PDCD6IP: variants seen among roughly 807,000 people sequenced by gnomAD.
PDCD6IP encodes programmed cell death 6 interacting protein.
In PDCD6IP, 43 loss-of-function variants were observed where a neutral mutation model predicts 103.7. That is an observed-to-expected ratio of 0.41 (90% confidence interval 0.32 to 0.53). PDCD6IP has a LOEUF of 0.53. Among genes scored for constraint, PDCD6IP ranks in the 20% least tolerant of loss-of-function variants. PDCD6IP has a pLI of 0.16. For missense variants in PDCD6IP, 871 were observed against 1,036.7 expected, an observed-to-expected ratio of 0.84 and a Z score of 2.20; for synonymous variants, 354 against 378.7, an observed-to-expected ratio of 0.93 and a Z score of 0.76.
chr3:33,815,105 C>A lies in PDCD6IP; in HGVS notation c.334+1477C>A, dbSNP rs1459234298. ...GTGCATACCATATACATACATGTAT[C>A]TATATATCTTATATAAGGTTTATAC... On this transcript the variant is annotated intron_variant, in intron 3 of 17. Transcript: ENST00000307296. Among the ~76,000 whole-genome samples, 12 of 147,986 alleles carry A rather than the reference C, an allele frequency of 8.1e-5. No homozygotes were observed. In the Admixed American group the frequency reaches 8.1e-4, roughly 10 times the overall value.
intron 1 of PDCD6IP, among the ~76,000 whole-genome samples, chr3:33,807,700 A>G (rs1429007280): frequency 6.6e-6 from 1 of 152,220 alleles, no homozygotes; most frequent in Non-Finnish European, 1.5e-5. Context: ...GAATGTCTCC[A>G]GGATGGCACC....
intron 6 of PDCD6IP, chr3:33,826,876 G>C: frequency 8.7e-7 from 1 of 1,153,154 alleles, no homozygotes; most frequent in Non-Finnish European, 1.1e-6. Flanking sequence ...TCAAGGCATT[G>C]TGTAGTTCTG....
chr3:33,802,335 T>A (rs1294004684), intron 1 of PDCD6IP, among the ~76,000 whole-genome samples: 1 of 152,176 alleles, frequency 6.6e-6, no homozygotes, highest in Non-Finnish European at 1.5e-5. Context: ...ATTTTCATTA[T>A]GAGCAGCTGT....
At position 33,818,558 on chromosome 3, in the gene PDCD6IP, C is replaced by T. The variant is rs574781325; in HGVS notation, c.335-3397C>T. ...TTTTTGATAGGGAGTCTCACTCTGA[C>T]GCTAGGCTGGAGTGCAGTGGCACGA... On this transcript the variant is annotated intron_variant, in intron 3 of 17. Coordinates refer to ENST00000307296, the MANE Select transcript of PDCD6IP (RefSeq NM_013374.6). 5.1e-5 allele frequency among the ~76,000 whole-genome samples: 6 copies of T among 117,356 alleles called. No individual in the cohort carries two copies. The South Asian group carries it at 8.9e-4, about 18-fold the overall frequency. 77.0% of individuals were successfully genotyped at this position (117,356 alleles called of 152,430 possible). A position where few individuals can be genotyped will look rare whatever the true frequency, so the allele number is the denominator to read the frequency against.
intron 11 of PDCD6IP, among the ~76,000 whole-genome samples, chr3:33,844,434 A>G (rs2125567938): frequency 6.6e-6 from 1 of 152,344 alleles, no homozygotes; most frequent in Admixed American, 6.5e-5. Context: ...AAAAGTTAAA[A>G]TGATCCTCCA....
intron 4 of PDCD6IP, 36 bp downstream of exon 4, chr3:33,822,118 C>T: frequency 6.2e-7 from 1 of 1,600,142 alleles, no homozygotes; most frequent in Non-Finnish European, 8.6e-7. Flanking sequence ...TAATGGTCAA[C>T]ACTAAATTGG....
In PDCD6IP at chr3:33,813,602, C is replaced by T. The variant is rs1439269663; in HGVS notation, c.308C>T (p.Ser103Leu). ...FTWKDAFDKG[S>L]LFGGSVKLAL... ...TGGAAGGATGCTTTCGATAAAGGTT[C>T]ACTTTTTGGAGGCTCTGTAAAACTG... is the stretch of plus-strand genomic sequence containing the variant. The change falls in exon 3 of 18, where the codon TCA (serine) becomes TTA (leucine). Residue 103 changes from serine to leucine, a missense_variant. By Grantham distance (145) the Ser-to-Leu change is moderately radical. This residue lies in a region of PDCD6IP where 47 missense variants were observed against 83.7 expected (regional missense o/e 0.56). Coordinates refer to ENST00000307296, the MANE Select transcript of PDCD6IP (RefSeq NM_013374.6). The T allele has an allele frequency of 2.5e-6, 4 of 1,607,778 alleles. No individual in the cohort carries two copies. In the African/African-American group the frequency reaches 4.0e-5, roughly 16 times the overall value.
chr3:33,861,551 G>GT (rs560018771), intron 15 of PDCD6IP, among the ~76,000 whole-genome samples: 22 of 152,278 alleles, frequency 1.4e-4, no homozygotes, highest in Middle Eastern at 3.4e-3. Context: ...CATGCTTTTG[G>GT]TGAGCATGTT....
chr3:33,865,829 T>G (rs1231014399), intron 17 of PDCD6IP, among the ~76,000 whole-genome samples: 1 of 152,180 alleles, frequency 6.6e-6, no homozygotes, highest in Non-Finnish European at 1.5e-5. Flanking sequence ...GAAATTTATC[T>G]AATTATGGGT....
chr3:33,818,950 A>G (rs1428782223), intron 3 of PDCD6IP, among the ~76,000 whole-genome samples: 1 of 152,120 alleles, frequency 6.6e-6, no homozygotes, highest in East Asian at 1.9e-4. Flanking sequence ...GAAATCTCAA[A>G]AGACTTAATG....
intron 12 of PDCD6IP, among the ~76,000 whole-genome samples, chr3:33,850,948 C>G (rs1381874174): frequency 6.6e-6 from 1 of 151,894 alleles, no homozygotes; most frequent in East Asian, 1.9e-4. Flanking sequence ...CTCTTCTGTT[C>G]CTTTCCTTTC....
At chr3:33,861,147 AT>A (rs71740776) in intron 15 of PDCD6IP, among the ~76,000 whole-genome samples, 42,325 of 145,600 alleles carry the variant, frequency 0.29, 5,886 homozygotes, top group East Asian at 0.4. Flanking sequence ...TCTAATCTGT[AT>A]TTTTTTTTTT....
Position 33,844,108 on chromosome 3 carries a change from A to G in PDCD6IP, c.1360-4A>G. 6.4e-7 allele frequency: 1 copy of G among 1,566,236 alleles called. No individual in the cohort carries two copies. Among genetic ancestry groups the G allele is most frequent in the South Asian group, 1.2e-5 (1 of 85,006 alleles). On this transcript the variant is annotated splice_region_variant and splice_polypyrimidine_tract_variant and intron_variant, in intron 10 of 17. Transcript: ENST00000307296. ...TTCAGGGTTCTTTTTGCTTCCTTTT[A>G]AAGTCATTAAGGTTGTTGGATGAAG...
intron 3 of PDCD6IP, among the ~76,000 whole-genome samples, chr3:33,814,570 ATGTATATT>A (rs1696792871): frequency 7.6e-6 from 1 of 130,868 alleles, no homozygotes. Flanking sequence ...TCATGTATAT[ATGTATATT>A]TCATGTATAT....
At position 33,845,543 on chromosome 3, in the gene PDCD6IP, T is replaced by C; in HGVS notation, c.1596T>C (p.Ala532=). 1 of 1,612,890 alleles carries C rather than the reference T, an allele frequency of 6.2e-7. No individual in the cohort carries two copies. The highest frequency in any genetic ancestry group is 2.2e-5 in the East Asian group (1 of 44,820). ...GTAAGCCAGAGCCTGAGCTGAATGC[T>C]GCCATCCCTTCTGCTAATCCAGCAA... ...LLCKPEPELN[A]AIPSANPAKT... Residue 532 remains alanine, a synonymous_variant, in exon 12 of 18, where the codon GCT becomes GCC. Transcript: ENST00000307296.
chr3:33,806,619 A>G (rs1696604741), intron 1 of PDCD6IP, among the ~76,000 whole-genome samples: 1 of 152,202 alleles, frequency 6.6e-6, no homozygotes, highest in South Asian at 2.1e-4. Flanking sequence ...CTACTTATAC[A>G]AAACTTGCAG....
rs72861506 is a variant in PDCD6IP, at chr3:33,833,787, A to G, written c.835-2257A>G. 4.2e-3 allele frequency among the ~76,000 whole-genome samples: 634 copies of G among 152,114 alleles called. 4 individuals carry two copies. Among genetic ancestry groups the G allele is most frequent in the African/African-American group, 0.015 (604 of 41,478 alleles). ...CCTTATGGTTTTTTTGTATTGAGAG[A>G]TGAGTTGACTTTTCAGTTACTTAGG... On this transcript the variant is annotated intron_variant, in intron 7 of 17. Transcript: ENST00000307296.
At chr3:33,850,396 A>T (rs931969293) in intron 12 of PDCD6IP, among the ~76,000 whole-genome samples, 4 of 152,144 alleles carry the variant, frequency 2.6e-5, no homozygotes, top group African/African-American at 9.7e-5. Flanking sequence ...TTCATGATTC[A>T]AAAGGTACAT....
chr3:33,849,996 C>A (rs1697678957), intron 12 of PDCD6IP, among the ~76,000 whole-genome samples: 1 of 151,978 alleles, frequency 6.6e-6, no homozygotes. Context: ...ACTATTTGAC[C>A]CTCTCTGTAT....
Sources: gnomAD v4.1 joint callset for allele counts (sites outside exome capture counted in the v4.1 genomes callset) on GRCh38, gnomAD v4.1.1 for gene constraint, gnomAD v4.1.1 regional missense constraint, MANE v1.5 for transcripts, NCBI Gene and HGNC (gene_info 2026-07-23, HGNC 2026-07-21) for gene names.